The following RTN4IP1 variants were observed in gnomAD, a reference collection of about 807,000 sequenced individuals.
RTN4IP1 encodes NAD(P)H oxidoreductase RTN4IP1, mitochondrial.
A neutral mutation model predicts 46.6 loss-of-function variants in RTN4IP1; 32 were observed. The ratio of observed to expected loss-of-function variants is 0.69; its 90% CI spans 0.52 to 0.92. RTN4IP1 has a LOEUF of 0.92. Ranked by LOEUF, RTN4IP1 falls within the 40% of genes least tolerant of loss-of-function variation. The probability of loss-of-function intolerance (pLI) is 0.00; values close to 1 mark genes in which losing one functional copy is unlikely to be tolerated. For missense variants in RTN4IP1, 424 were observed against 485.8 expected (o/e 0.87, Z 1.20); for synonymous variants, 167 against 161.8 (o/e 1.03, Z -0.24).
chr6:106,626,361 A>C (rs1000192478), intron 1 of RTN4IP1, among the ~76,000 whole-genome samples: 3 of 152,148 alleles, frequency 2.0e-5, no homozygotes, highest in Admixed American at 2.0e-4. Flanking sequence ...AAAAAAAAAC[A>C]ACTTCACTTG....
intron 4 of RTN4IP1, among the ~76,000 whole-genome samples, chr6:106,614,829 C>G (rs1776308911): frequency 6.6e-6 from 1 of 152,136 alleles, no homozygotes; most frequent in Admixed American, 6.5e-5. Flanking sequence ...AGCTAGATTA[C>G]AGTCCATTGA....
intron 4 of RTN4IP1, among the ~76,000 whole-genome samples, chr6:106,606,473 G>A (rs969683089): frequency 1.2e-4 from 18 of 151,942 alleles, no homozygotes; most frequent in African/African-American, 4.3e-4. Flanking sequence ...AAAAATCAGT[G>A]GCATTTCTAT....
chr6:106,601,607 TTTTG>T (rs1309031449), intron 5 of RTN4IP1, among the ~76,000 whole-genome samples: 1 of 152,000 alleles, frequency 6.6e-6, no homozygotes, highest in African/African-American at 2.4e-5. Context: ...ATTTTGAGTT[TTTTG>T]TTTTTGTTTT....
At chr6:106,584,374 G>T (rs1281900690) in intron 7 of RTN4IP1, among the ~76,000 whole-genome samples, 1 of 152,190 alleles carries the variant, frequency 6.6e-6, no homozygotes, top group East Asian at 1.9e-4. Flanking sequence ...GTAGCAGAGG[G>T]TCAGCCAGTA....
chr6:106,590,024 A>C (rs1775607622), intron 6 of RTN4IP1, among the ~76,000 whole-genome samples: 2 of 152,174 alleles, frequency 1.3e-5, no homozygotes, highest in African/African-American at 2.4e-5. Flanking sequence ...GACATGTATA[A>C]AACTTAAGGT....
upstream of RTN4IP1, chr6:106,629,773 GTC>G: frequency 6.4e-7 from 1 of 1,557,634 alleles, no homozygotes; most frequent in East Asian, 2.4e-5. Context: ...TTGACAAAGA[GTC>G]CCTGGGCCTT....
At chr6:106,591,176 A>AT (rs942397570) in intron 6 of RTN4IP1, among the ~76,000 whole-genome samples, 10 of 151,728 alleles carry the variant, frequency 6.6e-5, no homozygotes, top group Admixed American at 6.6e-4. Context: ...ATTCCCTTTC[A>AT]TTTTTTTTCA....
chr6:106,629,675 G>A (rs3747792), upstream of RTN4IP1: 34,012 of 1,604,704 alleles, frequency 0.021, 2,851 homozygotes, highest in African/African-American at 0.21. Flanking sequence ...GGCTGGGCAC[G>A]AGGACCATGC....
chr6:106,578,610 T>C (rs2114622175), intron 8 of RTN4IP1, among the ~76,000 whole-genome samples: 1 of 152,290 alleles, frequency 6.6e-6, no homozygotes, highest in East Asian at 1.9e-4. Context: ...ATCATTCTTT[T>C]TGAGAATGCC....
chr6:106,583,019 T>G (rs1775405388), intron 8 of RTN4IP1, among the ~76,000 whole-genome samples: 1 of 152,124 alleles, frequency 6.6e-6, no homozygotes, highest in African/African-American at 2.4e-5. Flanking sequence ...ATCACAGCTG[T>G]GCTATGACCT....
At chr6:106,593,977 ATGTTC>A (rs1775722860) in intron 5 of RTN4IP1, among the ~76,000 whole-genome samples, 1 of 152,220 alleles carries the variant, frequency 6.6e-6, no homozygotes, top group South Asian at 2.1e-4. Context: ...AAAGAAAAGT[ATGTTC>A]TAAGCACCCA....
intron 8 of RTN4IP1, chr6:106,572,440 TG>T: frequency 9.1e-6 from 2 of 219,950 alleles, no homozygotes; most frequent in South Asian, 2.4e-4. Context: ...CCAGATTCCA[TG>T]CTTTGCAAAA....
intron 8 of RTN4IP1, among the ~76,000 whole-genome samples, chr6:106,576,184 T>G (rs1775221373): frequency 6.6e-6 from 1 of 152,196 alleles, no homozygotes; most frequent in Non-Finnish European, 1.5e-5. Context: ...TTGCTCTCAG[T>G]TGCTGTTTCT....
At chr6:106,577,204 G>A (rs530585382) in intron 8 of RTN4IP1, among the ~76,000 whole-genome samples, 4 of 152,156 alleles carry the variant, frequency 2.6e-5, no homozygotes, top group African/African-American at 9.6e-5. Context: ...GGAAGCCCAG[G>A]CAGGCAGATT....
In RTN4IP1 at chr6:106,571,965, A is replaced by G; in HGVS notation, c.*31T>C. On this transcript the variant is annotated 3_prime_UTR_variant, in exon 9 of 9. Transcript: ENST00000369063. ...GGCTCACAGGCACTCACCAAATAAG[A>G]ACGTCAACAATCACTAAACTGCATT... is the stretch of plus-strand genomic sequence containing the variant. 6.4e-7 allele frequency: 1 copy of G among 1,550,618 alleles called. No individual in the cohort carries two copies. Among genetic ancestry groups the G allele is most frequent in the Non-Finnish European group, 8.9e-7 (1 of 1,124,192 alleles).
chr6:106,586,056 G>T (rs1775476335), intron 7 of RTN4IP1, among the ~76,000 whole-genome samples: 1 of 152,110 alleles, frequency 6.6e-6, no homozygotes, highest in Admixed American at 6.5e-5. Flanking sequence ...TGCAGCGCTT[G>T]GTTTGTTCAT....
At chr6:106,573,618 C>T (rs892890629) in intron 8 of RTN4IP1, among the ~76,000 whole-genome samples, 14 of 152,208 alleles carry the variant, frequency 9.2e-5, no homozygotes, top group Non-Finnish European at 1.6e-4. Context: ...GGGGTAAATA[C>T]TGTTATTCCC....
Position 106,609,973 on chromosome 6 carries a change from A to G in RTN4IP1, c.621-7051T>C, listed in dbSNP as rs150298117. Among the ~76,000 whole-genome samples the G allele has an allele frequency of 3.6e-4, 55 of 152,338 alleles. No individual in the cohort carries two copies. In the East Asian group the frequency reaches 0.01, roughly 29 times the overall value. ...GTTAGCTTGTAAAGGAGCCCTGAGG[A>G]CACATCGTTTTCTGGTCCTGTAAAC... is the stretch of plus-strand genomic sequence containing the variant. On this transcript the variant is annotated intron_variant, in intron 4 of 8. Coordinates refer to ENST00000369063, the MANE Select transcript of RTN4IP1 (RefSeq NM_032730.5).
intron 4 of RTN4IP1, among the ~76,000 whole-genome samples, chr6:106,613,991 A>C (rs1776290102): frequency 6.6e-6 from 1 of 152,250 alleles, no homozygotes. Flanking sequence ...AGACCAATGT[A>C]AATCTTATGT....
Sources: gnomAD v4.1 joint callset for allele counts (sites outside exome capture counted in the v4.1 genomes callset) on GRCh38, gnomAD v4.1.1 for gene constraint, MANE v1.5 for transcripts, NCBI Gene and HGNC (gene_info 2026-07-23, HGNC 2026-07-21) for gene names.